The following ADAM12 variants were observed in gnomAD, a reference collection of about 807,000 sequenced individuals.
ADAM12 encodes disintegrin and metalloproteinase domain-containing protein 12.
In ADAM12, 70 loss-of-function variants were observed where a neutral mutation model predicts 106.4. The observed-to-expected ratio is 0.66, with a 90% CI of 0.54 to 0.80. The LOEUF (loss-of-function observed/expected upper bound fraction) is 0.80, where lower values mean the gene tolerates loss of function less well. Among genes scored for constraint, ADAM12 ranks in the 30% least tolerant of loss-of-function variants. The pLI, the probability that ADAM12 is intolerant of heterozygous loss-of-function variation, is 0.00. For synonymous variants in ADAM12, 420 were observed against 433.5 expected (o/e 0.97, Z 0.39); for missense variants, 1,010 against 1,171.9 (o/e 0.86, Z 2.02).
At chr10:126,106,633 A>C (rs1027603948) in intron 8 of ADAM12, among the ~76,000 whole-genome samples, 7 of 151,788 alleles carry the variant, frequency 4.6e-5, no homozygotes, top group Admixed American at 4.6e-4. Flanking sequence ...CTACAGGCGC[A>C]TGCCACCACG....
At chr10:126,173,356 C>T (rs1452282324) in intron 3 of ADAM12, among the ~76,000 whole-genome samples, 5 of 152,150 alleles carry the variant, frequency 3.3e-5, no homozygotes, top group Non-Finnish European at 5.9e-5. Context: ...GCAAACGCGG[C>T]GAATCTTAAC....
At position 126,156,716 on chromosome 10, in the gene ADAM12, G is replaced by A. The variant is rs189925701; in HGVS notation, c.261-1411C>T. ...CCTGCAAGGGAAAGGCTTTGCGTAGGGATCCGACAACTACTGGGCCCTAAC... is the reference window on the plus strand; with the variant it reads ...CCTGCAAGGGAAAGGCTTTGCGTAGAGATCCGACAACTACTGGGCCCTAAC... On this transcript the variant is annotated intron_variant, in intron 3 of 22. Coordinates refer to ENST00000448723, the MANE Select transcript of ADAM12 (RefSeq NM_001288973.2). Among the ~76,000 whole-genome samples the A allele has an allele frequency of 5.8e-3, 890 of 152,310 alleles. 9 individuals carry two copies. Among genetic ancestry groups the A allele is most frequent in the African/African-American group, 0.021 (857 of 41,572 alleles).
chr10:126,061,553 C>G (rs1954755627), intron 14 of ADAM12, among the ~76,000 whole-genome samples: 1 of 152,146 alleles, frequency 6.6e-6, no homozygotes, highest in South Asian at 2.1e-4. Flanking sequence ...GGAGATCACC[C>G]TGGACAATCT....
At chr10:126,339,846 G>GTTT (rs1854854325) in intron 1 of ADAM12, among the ~76,000 whole-genome samples, 1 of 133,382 alleles carries the variant, frequency 7.5e-6, no homozygotes, top group Admixed American at 8.1e-5. Flanking sequence ...CCATTCTAGG[G>GTTT]CTTTTTTTTT....
At chr10:126,295,916 C>CACACACACATAA (rs1446245697) in intron 2 of ADAM12, among the ~76,000 whole-genome samples, 1 of 151,348 alleles carries the variant, frequency 6.6e-6, no homozygotes, top group African/African-American at 2.4e-5. Context: ...CACAAACACA[C>CACACACACATAA]ACACACACAC....
At position 126,017,280 on chromosome 10, in the gene ADAM12, C is replaced by CACTT. The variant is rs756013699; in HGVS notation, c.2716_2719dup (p.Ter907=). 1 of 1,593,734 alleles carries CACTT rather than the reference C, an allele frequency of 6.3e-7. No individual in the cohort carries two copies. The highest frequency in any genetic ancestry group is 1.8e-5 in the Admixed American group (1 of 56,936). ...CTGTTGAAAAAAGGTGTCGGCTTCT[C>CACTT]ACTTAATATAGGCGGTGTGGGTGGA... On this transcript the variant is annotated frameshift_variant and stop_retained_variant, in exon 23 of 23. Transcript: ENST00000448723. LOFTEE classifies it high-confidence loss of function.
At chr10:126,030,052 C>T (rs763302299) in intron 21 of ADAM12, among the ~76,000 whole-genome samples, 1 of 152,172 alleles carries the variant, frequency 6.6e-6, no homozygotes, top group Non-Finnish European at 1.5e-5. Flanking sequence ...GAAAACAACC[C>T]ATCTGGGAAT....
intron 16 of ADAM12, among the ~76,000 whole-genome samples, chr10:126,046,900 T>C (rs989144421): frequency 1.4e-5 from 2 of 144,954 alleles, no homozygotes; most frequent in African/African-American, 5.0e-5. Flanking sequence ...ACTCCAAGAA[T>C]CCAGGGTTGA....
chr10:126,388,127 G>C lies in ADAM12; in HGVS notation c.19C>G (p.Pro7Ala). 8.2e-7 allele frequency: 1 copy of C among 1,218,828 alleles called. No homozygotes were observed. Among genetic ancestry groups the C allele is most frequent in the Non-Finnish European group, 1.0e-6 (1 of 979,474 alleles). The allele number at this position is 1,218,828 out of a possible 1,614,324, so 75.5% of individuals were successfully genotyped here. A position where few individuals can be genotyped will look rare whatever the true frequency, so the allele number is the denominator to read the frequency against. Residue 7 changes from proline to alanine, a missense_variant, in exon 1 of 23, where the codon CCC (proline) becomes GCC (alanine). Physicochemically the swap from Pro to Ala is conservative, Grantham distance 27. This residue lies in a region of ADAM12 where 391 missense variants were observed against 442.9 expected (regional missense o/e 0.88). Coordinates refer to ENST00000448723, the MANE Select transcript of ADAM12 (RefSeq NM_001288973.2). The surrounding 1 kb of genome is among the most constrained non-coding windows in gnomAD (Gnocchi z 4.4). The part of the protein sequence containing the change: MAARPL[P>A]VSPARALLLA... ...AGGAGGGCGCGGGCGGGGGACACGG[G>C]CAGCGGGCGCGCTGCCATCGTCGCC...
At chr10:126,119,687 T>C (rs935986086) in intron 5 of ADAM12, among the ~76,000 whole-genome samples, 1 of 152,250 alleles carries the variant, frequency 6.6e-6, no homozygotes, top group Middle Eastern at 3.2e-3. Context: ...ACAAATTTGC[T>C]GAAGACTCTA....
chr10:126,207,395 T>C (rs988539080), intron 3 of ADAM12, among the ~76,000 whole-genome samples: 2 of 152,248 alleles, frequency 1.3e-5, no homozygotes, highest in African/African-American at 4.8e-5. Flanking sequence ...AGCTAAGTTA[T>C]AGTGCAAATT....
At chr10:126,143,158 G>A (rs1007087833) in intron 4 of ADAM12, among the ~76,000 whole-genome samples, 15 of 150,002 alleles carry the variant, frequency 1.0e-4, no homozygotes, top group African/African-American at 3.5e-4. Flanking sequence ...ATATATGCAC[G>A]TGTATATATA....
intron 1 of ADAM12, among the ~76,000 whole-genome samples, chr10:126,370,379 A>G (rs928079326): frequency 5.9e-5 from 9 of 152,248 alleles, no homozygotes; most frequent in African/African-American, 2.2e-4. Context: ...GGTAGCAGTT[A>G]TTAGGTTGAG....
intron 3 of ADAM12, among the ~76,000 whole-genome samples, chr10:126,257,866 T>C (rs537429628): frequency 7.0e-4 from 107 of 152,046 alleles, no homozygotes; most frequent in Non-Finnish European, 1.3e-3. Flanking sequence ...AGCAGGTGAG[T>C]TCCTAACCAG....
At chr10:126,078,301 G>T (rs1330290270) in intron 11 of ADAM12, among the ~76,000 whole-genome samples, 1 of 152,176 alleles carries the variant, frequency 6.6e-6, no homozygotes, top group African/African-American at 2.4e-5. Flanking sequence ...AAGCACTGAA[G>T]AGGATCCCAA....
chr10:126,186,640 G>A (rs1336208490), intron 3 of ADAM12, among the ~76,000 whole-genome samples: 1 of 152,036 alleles, frequency 6.6e-6, no homozygotes, highest in South Asian at 2.1e-4. Flanking sequence ...GCCATAGAGG[G>A]GGGCAGGAAT....
At chr10:126,291,983 T>C (rs1330735573) in intron 2 of ADAM12, among the ~76,000 whole-genome samples, 1 of 152,102 alleles carries the variant, frequency 6.6e-6, no homozygotes, top group Non-Finnish European at 1.5e-5. Context: ...TTCAGCTTTT[T>C]TTTTTTCCCG....
intron 3 of ADAM12, among the ~76,000 whole-genome samples, chr10:126,204,764 C>T (rs1032530208): frequency 6.6e-5 from 10 of 152,180 alleles, no homozygotes; most frequent in Admixed American, 1.3e-4. Context: ...GCCCTATTTA[C>T]GGGCTTATCT....
chr10:126,034,307 T>C (rs1296633527), intron 21 of ADAM12, among the ~76,000 whole-genome samples: 1 of 152,214 alleles, frequency 6.6e-6, no homozygotes, highest in Non-Finnish European at 1.5e-5. Context: ...ATAGAGGCCA[T>C]GGATGCTGCT....
Sources: allele counts gnomAD v4.1 joint callset (sites outside exome capture counted in the v4.1 genomes callset), GRCh38; gene constraint gnomAD v4.1.1; regional missense constraint gnomAD v4.1.1; non-coding constraint Gnocchi (gnomAD v3.1); transcripts MANE v1.5; gene names NCBI Gene and HGNC (gene_info 2026-07-23, HGNC 2026-07-21).